Variants in LPP observed in about 807,000 individuals in gnomAD.
LPP encodes lipoma-preferred partner.
LPP carries 38 observed loss-of-function variants against 60.4 expected under a neutral mutation model. The observed-to-expected ratio is 0.63, with a 90% CI of 0.49 to 0.83. The LOEUF is 0.83. LPP is among the 40% of genes least tolerant of loss of function. The probability of loss-of-function intolerance (pLI) is 0.00; values close to 1 mark genes in which losing one functional copy is unlikely to be tolerated. For missense variants in LPP, 902 were observed against 783.6 expected (o/e 1.15, Z -1.80); for synonymous variants, 328 against 290.8 (o/e 1.13, Z -1.30).
At chr3:188,797,482 G>T (rs370941358) in intron 9 of LPP, among the ~76,000 whole-genome samples, 5 of 152,226 alleles carry the variant, frequency 3.3e-5, no homozygotes, top group African/African-American at 1.2e-4. Context: ...AGAAGAGTTG[G>T]AGAGATCAAA....
In LPP at chr3:188,311,385, A is replaced by C. The variant is rs182467072; in HGVS notation, c.-66-30278A>C. ...TCCTAGCTACTCAGGAGGCTGAGGC[A>C]GGAACATTGCTTGAGAGTTCAAGGC... On this transcript the variant is annotated intron_variant, in intron 2 of 11. Transcript: ENST00000617246. Among the ~76,000 whole-genome samples, 10 of 152,202 alleles carry C rather than the reference A, an allele frequency of 6.6e-5. No homozygotes were observed. In the South Asian group the frequency reaches 1.7e-3, roughly 25 times the overall value.
At chr3:188,682,571 G>A (rs1008668197) in intron 7 of LPP, among the ~76,000 whole-genome samples, 1 of 152,198 alleles carries the variant, frequency 6.6e-6, no homozygotes. Flanking sequence ...AGTGAATGGG[G>A]TTTGAGGGAA....
intron 8 of LPP, chr3:188,759,497 TG>T (rs1241822580): frequency 6.6e-6 from 1 of 152,366 alleles, no homozygotes; most frequent in African/African-American, 2.4e-5. Flanking sequence ...ACTAGAACCA[TG>T]GGGTAAGCAG....
chr3:188,888,451 A>G lies in LPP; in HGVS notation c.*13972A>G, dbSNP rs34138041. ...GTCTGCCTTTTTAACAGCTACAGTT[A>G]AGTTGGCAAGACTTCCCCAGCTCTG... is the stretch of plus-strand genomic sequence containing the variant. On this transcript the variant is annotated 3_prime_UTR_variant, in exon 12 of 12. Coordinates refer to ENST00000617246, the MANE Select transcript of LPP (RefSeq NM_001375462.1). 7,908 of 227,760 alleles carry G rather than the reference A, an allele frequency of 0.035. 177 individuals are homozygous for G. The highest frequency in any genetic ancestry group is 0.051 in the Non-Finnish European group (5,815 of 114,246). 14.1% of individuals were successfully genotyped at this position (227,760 alleles called of 1,614,324 possible). A position where few individuals can be genotyped will look rare whatever the true frequency, so the allele number is the denominator to read the frequency against.
chr3:188,227,668 A>G (rs1043033015), intron 2 of LPP, among the ~76,000 whole-genome samples: 5 of 152,028 alleles, frequency 3.3e-5, no homozygotes, highest in African/African-American at 1.2e-4. Context: ...TTTCTGCAGC[A>G]CTTCTTGCTC....
intron 9 of LPP, among the ~76,000 whole-genome samples, chr3:188,833,430 C>T (rs1312779375): frequency 6.6e-6 from 1 of 152,220 alleles, no homozygotes; most frequent in Non-Finnish European, 1.5e-5. Context: ...AGAGTTGAAA[C>T]TTGAATTCCT....
At chr3:188,486,085 A>T (rs1284583733) in intron 5 of LPP, among the ~76,000 whole-genome samples, 1 of 152,084 alleles carries the variant, frequency 6.6e-6, no homozygotes, top group Non-Finnish European at 1.5e-5. Context: ...TATTTATGGC[A>T]TACATGAGAT....
intron 7 of LPP, among the ~76,000 whole-genome samples, chr3:188,676,119 G>A (rs566670228): frequency 1.1e-4 from 16 of 152,114 alleles, no homozygotes; most frequent in South Asian, 6.2e-4. Context: ...AAGTGAAAAC[G>A]TTTTTAAAAA....
intron 6 of LPP, among the ~76,000 whole-genome samples, chr3:188,567,669 A>G (rs1832518628): frequency 1.3e-5 from 2 of 151,964 alleles, no homozygotes; most frequent in South Asian, 2.1e-4. Flanking sequence ...CTTCTGTCCT[A>G]TGAAGCAGAT....
chr3:188,471,889 T>G (rs1346430331), intron 4 of LPP, among the ~76,000 whole-genome samples: 2 of 152,184 alleles, frequency 1.3e-5, no homozygotes, highest in Non-Finnish European at 2.9e-5. Flanking sequence ...CTTCTGTGCC[T>G]TACCTCAGCT....
intron 2 of LPP, among the ~76,000 whole-genome samples, chr3:188,294,422 T>C (rs1027944559): frequency 2.6e-5 from 4 of 152,198 alleles, no homozygotes; most frequent in Non-Finnish European, 4.4e-5. Flanking sequence ...TTCAAAATAG[T>C]GCATAGTGCC....
intron 5 of LPP, among the ~76,000 whole-genome samples, chr3:188,517,133 A>G (rs1297035983): frequency 6.6e-6 from 1 of 152,218 alleles, no homozygotes; most frequent in Non-Finnish European, 1.5e-5. Context: ...CTTGACATGC[A>G]TAAACCTATT....
intron 8 of LPP, among the ~76,000 whole-genome samples, chr3:188,748,340 A>G (rs771581470): frequency 8.5e-5 from 13 of 152,102 alleles, no homozygotes; most frequent in Non-Finnish European, 1.8e-4. Flanking sequence ...TAGGGCTGAG[A>G]TTACTATTTC....
rs3057956 is a variant in LPP at position 188,825,269 on chromosome 3, C to CTGTGTGTG, written c.1411-40891_1411-40884dup. On this transcript the variant is annotated intron_variant, in intron 9 of 11. Transcript: ENST00000617246. ...TCTTTCTCTCTCTCTCTCTCTCTCTCTGTGTGTGTGTGTGTGTGTGTGTGT... is the reference window on the plus strand; with the variant it reads ...TCTTTCTCTCTCTCTCTCTCTCTCTCTGTGTGTGTGTGTGTGTGTGTGTGTGTGTGTGT... 1.2e-3 allele frequency among the ~76,000 whole-genome samples: 122 copies of CTGTGTGTG among 101,750 alleles called. 3 individuals are homozygous for CTGTGTGTG. Among genetic ancestry groups the CTGTGTGTG allele is most frequent in the East Asian group, 5.6e-3 (14 of 2,500 alleles). 66.8% of individuals were successfully genotyped at this position (101,750 alleles called of 152,430 possible).
chr3:188,366,507 A>G (rs979088672), intron 3 of LPP, among the ~76,000 whole-genome samples: 3 of 151,972 alleles, frequency 2.0e-5, no homozygotes, highest in Non-Finnish European at 4.4e-5. Context: ...GCCTTCCTCA[A>G]TGCGTCATTT....
intron 1 of LPP, among the ~76,000 whole-genome samples, chr3:188,194,776 T>G (rs1729070751): frequency 6.6e-6 from 1 of 152,226 alleles, no homozygotes; most frequent in South Asian, 2.1e-4. Context: ...TCTACCTTAC[T>G]TTTGTTAGTG....
At chr3:188,434,517 T>C (rs1340929694) in intron 4 of LPP, among the ~76,000 whole-genome samples, 1 of 152,168 alleles carries the variant, frequency 6.6e-6, no homozygotes, top group East Asian at 1.9e-4. Flanking sequence ...GCAAGTTCAG[T>C]CTTGGTGAAG....
intron 9 of LPP, among the ~76,000 whole-genome samples, chr3:188,819,325 G>A (rs1257895695): frequency 6.6e-6 from 1 of 151,310 alleles, no homozygotes; most frequent in Non-Finnish European, 1.5e-5. Context: ...CCTTCCTTTT[G>A]GATTCCCAAG....
intron 9 of LPP, among the ~76,000 whole-genome samples, chr3:188,785,752 G>A (rs143424702): frequency 1.3e-5 from 2 of 151,796 alleles, no homozygotes; most frequent in African/African-American, 4.8e-5. Context: ...TTAAATGGTG[G>A]TTCTACTTTT....
Sources: allele counts gnomAD v4.1 joint callset (sites outside exome capture counted in the v4.1 genomes callset), GRCh38; gene constraint gnomAD v4.1.1; transcripts MANE v1.5; gene names NCBI Gene and HGNC (gene_info 2026-07-23, HGNC 2026-07-21).